The following FAT3 variants were observed in gnomAD, a reference collection of about 807,000 sequenced individuals.
FAT3 encodes the protein FAT atypical cadherin 3.
In FAT3, 95 loss-of-function variants were observed where a neutral mutation model predicts 310.2. The ratio of observed to expected loss-of-function variants is 0.31; its 90% CI spans 0.26 to 0.36. The LOEUF is 0.36. Among genes scored for constraint, FAT3 ranks in the 10% least tolerant of loss-of-function variants. FAT3 has a pLI of 1.00. For missense variants in FAT3, 5,408 were observed against 5,715.6 expected (o/e 0.95, Z 1.74); for synonymous variants, 2,314 against 2,192.9 (o/e 1.06, Z -1.54).
At chr11:92,605,093 T>G (rs994555458) in intron 3 of FAT3, among the ~76,000 whole-genome samples, 2 of 152,162 alleles carry the variant, frequency 1.3e-5, no homozygotes, top group Non-Finnish European at 2.9e-5. Flanking sequence ...TGCACCATCA[T>G]TACTGTGTCC....
At chr11:92,671,679 T>C (rs1031186391) in intron 3 of FAT3, among the ~76,000 whole-genome samples, 2 of 152,180 alleles carry the variant, frequency 1.3e-5, no homozygotes, top group Non-Finnish European at 2.9e-5. Context: ...TTAACATGTG[T>C]CTTTCCTGCT....
chr11:92,548,629 A>G (rs998480602), intron 3 of FAT3, among the ~76,000 whole-genome samples: 3 of 152,218 alleles, frequency 2.0e-5, no homozygotes, highest in African/African-American at 7.2e-5. Context: ...ATTAATTTGT[A>G]CAAAGTACTT....
intron 1 of FAT3, among the ~76,000 whole-genome samples, chr11:92,231,865 A>C (rs987626074): frequency 1.3e-5 from 2 of 152,160 alleles, no homozygotes; most frequent in Admixed American, 6.5e-5. Context: ...TTCAAAGCAA[A>C]ATGAGGCTAT....
In FAT3 at chr11:92,800,184, C is replaced by G. The variant is rs1476476274; in HGVS notation, c.7171C>G (p.Pro2391Ala). 13 of 1,613,830 alleles carry G rather than the reference C, an allele frequency of 8.1e-6. No individual in the cohort carries two copies. The highest frequency in any genetic ancestry group is 1.1e-5 in the South Asian group (1 of 91,078). Reference sequence around the variant, plus strand: ...CTACATCTCTGATGTAAATGACAACCCTCCAGTTTTTAATCAGCTCATTTA... The same window carrying G: ...CTACATCTCTGATGTAAATGACAACGCTCCAGTTTTTAATCAGCTCATTTA... ...HIYISDVNDN[P>A]PVFNQLIYES... The change falls in exon 10 of 28, where the codon CCT (proline) becomes GCT (alanine). Residue 2391 changes from proline (P) to alanine (A), a missense_variant. Physicochemically the swap from Pro to Ala is conservative, Grantham distance 27. Around this residue, in one of 5 missense-constraint regions of FAT3, gnomAD observed 4,588 missense variants for 4,809.8 expected, o/e 0.95. Coordinates refer to ENST00000525166, the MANE Select transcript of FAT3 (RefSeq NM_001367949.2).
At chr11:92,330,158 A>T (rs1439795846) in intron 1 of FAT3, among the ~76,000 whole-genome samples, 1 of 152,220 alleles carries the variant, frequency 6.6e-6, no homozygotes, top group African/African-American at 2.4e-5. Flanking sequence ...GATGCACTAA[A>T]CATTGAAAGA....
chr11:92,680,279 T>G (rs1235081566), intron 3 of FAT3, among the ~76,000 whole-genome samples: 1 of 152,206 alleles, frequency 6.6e-6, no homozygotes, highest in Non-Finnish European at 1.5e-5. Context: ...TGAGTTGATT[T>G]TAATATAGAG....
chr11:92,252,449 G>A (rs1387436593), intron 1 of FAT3, among the ~76,000 whole-genome samples: 1 of 152,012 alleles, frequency 6.6e-6, no homozygotes, highest in African/African-American at 2.4e-5. Flanking sequence ...ATACTGGCAT[G>A]GTTAAACAGC....
chr11:92,655,603 A>G (rs1390257175), intron 3 of FAT3, among the ~76,000 whole-genome samples: 1 of 151,482 alleles, frequency 6.6e-6, no homozygotes, highest in Non-Finnish European at 1.5e-5. Context: ...CTTACTCCTG[A>G]CTCTTTGTGC....
intron 3 of FAT3, among the ~76,000 whole-genome samples, chr11:92,673,176 G>A (rs1943183388): frequency 6.6e-6 from 1 of 152,092 alleles, no homozygotes; most frequent in Admixed American, 6.5e-5. Context: ...TTTAAAAAGG[G>A]AATTAAATTG....
intron 4 of FAT3, among the ~76,000 whole-genome samples, chr11:92,702,702 A>G (rs2135922550): frequency 6.6e-6 from 1 of 152,238 alleles, no homozygotes; most frequent in Admixed American, 6.5e-5. Flanking sequence ...TACTTAAATA[A>G]TCCTATAGTC....
chr11:92,265,757 G>A (rs755037343), intron 1 of FAT3, among the ~76,000 whole-genome samples: 1 of 152,020 alleles, frequency 6.6e-6, no homozygotes, highest in Non-Finnish European at 1.5e-5. Flanking sequence ...TATGGTAGAA[G>A]GGGCAAGGCA....
At position 92,892,103 on chromosome 11, in the gene FAT3, G is replaced by A. The variant is rs2136454399; in HGVS notation, c.*990G>A. ...GAAAGGTGTCTGTTATTCTAAATCGGTAGCATCACCATTATAAATACAATT... is the reference window on the plus strand; with the variant it reads ...GAAAGGTGTCTGTTATTCTAAATCGATAGCATCACCATTATAAATACAATT... On this transcript the variant is annotated 3_prime_UTR_variant, in exon 28 of 28. Coordinates refer to ENST00000525166, the MANE Select transcript of FAT3 (RefSeq NM_001367949.2). 6.6e-6 allele frequency: 1 copy of A among 152,214 alleles called. No individual in the cohort carries two copies. Among genetic ancestry groups the A allele is most frequent in the East Asian group, 1.9e-4 (1 of 5,180 alleles). 9.4% of individuals were successfully genotyped at this position (152,214 alleles called of 1,614,324 possible). A position where few individuals can be genotyped will look rare whatever the true frequency, so the allele number is the denominator to read the frequency against.
intron 3 of FAT3, among the ~76,000 whole-genome samples, chr11:92,616,008 C>T (rs1175736601): frequency 1.3e-5 from 2 of 152,170 alleles, no homozygotes; most frequent in Non-Finnish European, 2.9e-5. Context: ...TGGTGCAGAG[C>T]TGAGTTCAAT....
chr11:92,886,579 A>G (rs1263698939), intron 24 of FAT3, among the ~76,000 whole-genome samples: 1 of 152,210 alleles, frequency 6.6e-6, no homozygotes, highest in Non-Finnish European at 1.5e-5. Flanking sequence ...ATTCTTGCCT[A>G]TAAAATATTT....
chr11:92,544,153 A>C (rs1213925343), intron 3 of FAT3, among the ~76,000 whole-genome samples: 1 of 152,156 alleles, frequency 6.6e-6, no homozygotes, highest in African/African-American at 2.4e-5. Flanking sequence ...GGCATATAGT[A>C]CCCAGTTAAA....
At chr11:92,857,897 A>G (rs1404533185) in intron 20 of FAT3, among the ~76,000 whole-genome samples, 2 of 152,172 alleles carry the variant, frequency 1.3e-5, no homozygotes, top group East Asian at 3.9e-4. Flanking sequence ...AAAAATCAGT[A>G]TTTAAGTTAT....
At chr11:92,818,260 A>T (rs1449998757) in intron 13 of FAT3, among the ~76,000 whole-genome samples, 8 of 152,170 alleles carry the variant, frequency 5.3e-5, no homozygotes, top group South Asian at 2.1e-4. Flanking sequence ...AAGGGACTTT[A>T]CTAAATATAC....
chr11:92,236,699 T>G (rs1864432944), intron 1 of FAT3, among the ~76,000 whole-genome samples: 1 of 152,188 alleles, frequency 6.6e-6, no homozygotes, highest in African/African-American at 2.4e-5. Context: ...TGCACATAAT[T>G]CATAATATTG....
chr11:92,501,568 T>TCC (rs1952939606), intron 2 of FAT3, among the ~76,000 whole-genome samples: 1 of 151,990 alleles, frequency 6.6e-6, no homozygotes, highest in Non-Finnish European at 1.5e-5. Flanking sequence ...ATTTCAACAG[T>TCC]CATTTGTGTG....
Sources: gnomAD v4.1 joint callset for allele counts (sites outside exome capture counted in the v4.1 genomes callset) on GRCh38, gnomAD v4.1.1 for gene constraint, gnomAD v4.1.1 regional missense constraint, MANE v1.5 for transcripts, NCBI Gene and HGNC (gene_info 2026-07-23, HGNC 2026-07-21) for gene names.